Variants in RBMS3 observed in about 807,000 individuals in gnomAD.
RBMS3 encodes RNA binding motif single stranded interacting protein 3.
Under a neutral mutation model 66.8 loss-of-function variants are expected in RBMS3, and 27 were observed. That is an observed-to-expected ratio of 0.40 (90% confidence interval 0.30 to 0.56). RBMS3 has a LOEUF of 0.56. RBMS3 is among the 20% of genes least tolerant of loss of function. RBMS3 has a pLI of 0.40. For missense variants in RBMS3, 513 were observed against 549.5 expected (o/e 0.93, Z 0.66); for synonymous variants, 188 against 183.0 (o/e 1.03, Z -0.22).
chr3:29,922,452 A>G (rs1204142062), intron 10 of RBMS3, among the ~76,000 whole-genome samples: 16 of 146,838 alleles, frequency 1.1e-4, no homozygotes, highest in African/African-American at 4.0e-4. Flanking sequence ...GCGCCACTGC[A>G]GTCCGCAGTC....
intron 10 of RBMS3, among the ~76,000 whole-genome samples, chr3:29,905,910 C>A (rs979005249): frequency 4.6e-5 from 7 of 152,020 alleles, no homozygotes; most frequent in African/African-American, 1.7e-4. Context: ...ATATTTTTTT[C>A]ATTGTTTCTC....
intron 6 of RBMS3, among the ~76,000 whole-genome samples, chr3:29,783,262 T>A (rs771964817): frequency 2.6e-5 from 4 of 151,942 alleles, no homozygotes; most frequent in Non-Finnish European, 5.9e-5. Flanking sequence ...TTATCTAAAG[T>A]CAAGACAAAG....
At chr3:29,329,727 A>T (rs576833249) in intron 1 of RBMS3, among the ~76,000 whole-genome samples, 2 of 151,542 alleles carry the variant, frequency 1.3e-5, no homozygotes, top group South Asian at 4.2e-4. Flanking sequence ...CTAGCATCTG[A>T]GTGGTAAACT....
intron 4 of RBMS3, among the ~76,000 whole-genome samples, chr3:29,651,615 G>A (rs1218752648): frequency 6.6e-6 from 1 of 152,104 alleles, no homozygotes; most frequent in Non-Finnish European, 1.5e-5. Flanking sequence ...TTTATTGAAA[G>A]TTGGTTAGTT....
intron 4 of RBMS3, among the ~76,000 whole-genome samples, chr3:29,622,071 T>G (rs2048886480): frequency 6.6e-6 from 1 of 152,156 alleles, no homozygotes; most frequent in Admixed American, 6.5e-5. Context: ...TCCGGTGAAC[T>G]CTAAACTCTT....
chr3:29,565,348 TTG>T (rs1173513159), intron 3 of RBMS3, among the ~76,000 whole-genome samples: 1 of 152,168 alleles, frequency 6.6e-6, no homozygotes, highest in African/African-American at 2.4e-5. Flanking sequence ...TTGTGAATTT[TTG>T]TGTGTTTGAA....
chr3:29,916,818 G>T (rs764320389), intron 10 of RBMS3, among the ~76,000 whole-genome samples: 6 of 151,888 alleles, frequency 4.0e-5, no homozygotes, highest in Non-Finnish European at 5.9e-5. Flanking sequence ...TAATCTCAAG[G>T]TATTTAAAAA....
intron 1 of RBMS3, among the ~76,000 whole-genome samples, chr3:29,334,244 T>G (rs1485988805): frequency 1.3e-5 from 2 of 152,200 alleles, no homozygotes; most frequent in Admixed American, 6.5e-5. Context: ...CTTTTCACAG[T>G]TCCGTTTGCA....
intron 1 of RBMS3, among the ~76,000 whole-genome samples, chr3:29,294,694 G>A (rs2125431912): frequency 6.6e-6 from 1 of 151,796 alleles, no homozygotes. Context: ...TTTATGGGTT[G>A]GCAGAAAGTT....
chr3:29,505,965 A>G (rs1472484009), intron 3 of RBMS3, among the ~76,000 whole-genome samples: 1 of 151,870 alleles, frequency 6.6e-6, no homozygotes. Flanking sequence ...TAGTTCCAAT[A>G]GTTTTTTGGT....
intron 1 of RBMS3, among the ~76,000 whole-genome samples, chr3:29,311,421 C>A (rs990269801): frequency 6.6e-6 from 1 of 151,582 alleles, no homozygotes; most frequent in African/African-American, 2.4e-5. Flanking sequence ...GGTCTGAGTG[C>A]GAGGTGCACT....
chr3:30,002,193 A>G (rs1475127500), intron 14 of RBMS3, among the ~76,000 whole-genome samples: 3 of 152,010 alleles, frequency 2.0e-5, no homozygotes, highest in African/African-American at 7.2e-5. Flanking sequence ...TAAATATATC[A>G]ATGCTTTTGA....
In RBMS3 at chr3:30,007,218, A is replaced by G. The variant is rs1699825404; in HGVS notation, c.*3356A>G. The G allele has an allele frequency of 6.6e-6, 1 of 152,094 alleles. No homozygotes were observed. Among genetic ancestry groups the G allele is most frequent in the Non-Finnish European group, 1.5e-5 (1 of 67,952 alleles). The allele number at this position is 152,094 out of a possible 1,614,324, so 9.4% of individuals were successfully genotyped here. A position where few individuals can be genotyped will look rare whatever the true frequency, so the allele number is the denominator to read the frequency against. On this transcript the variant is annotated 3_prime_UTR_variant, in exon 15 of 15. Coordinates refer to ENST00000383767, the MANE Select transcript of RBMS3 (RefSeq NM_001003793.3). ...TAAGTTTTCAATATATACAGACAAC[A>G]GAATTCAAATTTAATCAACAAAATA...
At chr3:29,640,183 T>C (rs2049642214) in intron 4 of RBMS3, among the ~76,000 whole-genome samples, 1 of 151,720 alleles carries the variant, frequency 6.6e-6, no homozygotes, top group Non-Finnish European at 1.5e-5. Flanking sequence ...TCCCCAGATG[T>C]ACTAGGATGA....
chr3:29,996,945 C>G (rs967442824), intron 14 of RBMS3, among the ~76,000 whole-genome samples: 73 of 151,792 alleles, frequency 4.8e-4, no homozygotes, highest in African/African-American at 1.8e-3. Context: ...AATAGAGACA[C>G]AAAAAACCCT....
At chr3:29,719,403 A>T (rs936795004) in intron 4 of RBMS3, among the ~76,000 whole-genome samples, 3 of 152,080 alleles carry the variant, frequency 2.0e-5, no homozygotes, top group Non-Finnish European at 4.4e-5. Context: ...TTATGATCCA[A>T]TATGTTCATT....
intron 8 of RBMS3, among the ~76,000 whole-genome samples, chr3:29,889,134 G>T (rs2059941086): frequency 6.6e-6 from 1 of 151,506 alleles, no homozygotes; most frequent in South Asian, 2.1e-4. Context: ...CAACTGAACT[G>T]GACCGTCTGT....
At chr3:29,772,689 T>C (rs2056262673) in intron 6 of RBMS3, among the ~76,000 whole-genome samples, 1 of 151,950 alleles carries the variant, frequency 6.6e-6, no homozygotes, top group East Asian at 1.9e-4. Context: ...GGGGTAGGAT[T>C]CTTTCTGAAG....
chr3:29,587,243 T>G (rs1216654195), intron 4 of RBMS3, 38 bp downstream of exon 4: 3 of 841,052 alleles, frequency 3.6e-6, no homozygotes. Flanking sequence ...TTTTTTTTTT[T>G]TTTTTTGTGT....
Sources: gnomAD v4.1 joint callset for allele counts (sites outside exome capture counted in the v4.1 genomes callset) on GRCh38, gnomAD v4.1.1 for gene constraint, MANE v1.5 for transcripts, NCBI Gene and HGNC (gene_info 2026-07-23, HGNC 2026-07-21) for gene names.